The following PTGFR variants were observed in gnomAD, a reference collection of about 807,000 sequenced individuals.
PTGFR encodes prostaglandin F2-alpha receptor.
In PTGFR, 15 loss-of-function variants were observed where a neutral mutation model predicts 26.2. The ratio of observed to expected loss-of-function variants is 0.57; its 90% CI spans 0.38 to 0.88. The LOEUF (loss-of-function observed/expected upper bound fraction) is 0.88. Ranked by LOEUF, PTGFR falls within the 40% of genes least tolerant of loss-of-function variation. The pLI is 0.00. For missense variants in PTGFR, 369 were observed against 427.2 expected (o/e 0.86, Z 1.20); for synonymous variants, 165 against 151.1 (o/e 1.09, Z -0.68).
chr1:78,512,168 C>A (rs957562881), intron 2 of PTGFR, among the ~76,000 whole-genome samples: 3 of 152,220 alleles, frequency 2.0e-5, no homozygotes, highest in Non-Finnish European at 4.4e-5. Context: ...TTCTTTTGAG[C>A]CCTCCAAACT....
At chr1:78,492,101 G>A (rs1649416554) in intron 1 of PTGFR, among the ~76,000 whole-genome samples, 1 of 152,202 alleles carries the variant, frequency 6.6e-6, no homozygotes, top group Admixed American at 6.5e-5. Context: ...CAACGTGTGT[G>A]TGGTTTGCTG....
intron 2 of PTGFR, among the ~76,000 whole-genome samples, chr1:78,527,500 C>T (rs1024847062): frequency 6.6e-6 from 1 of 151,998 alleles, no homozygotes; most frequent in African/African-American, 2.4e-5. Context: ...AATTATATCA[C>T]CTAAATTATG....
chr1:78,501,874 C>G (rs904440247), intron 2 of PTGFR, among the ~76,000 whole-genome samples: 1 of 152,112 alleles, frequency 6.6e-6, no homozygotes, highest in Non-Finnish European at 1.5e-5. Flanking sequence ...TTTAATTTCC[C>G]TAAAGTCTCA....
Position 78,493,515 on chromosome 1 carries a change from T to A in PTGFR, c.772T>A (p.Ser258Thr). 6.4e-7 allele frequency: 1 copy of A among 1,550,960 alleles called. No individual in the cohort carries two copies. The highest frequency in any genetic ancestry group is 1.4e-5 in the African/African-American group (1 of 72,538). Residue 258 changes from serine (S) to threonine (T), a missense_variant, in exon 2 of 3, where the codon TCC becomes ACC. By Grantham distance (58) the Ser-to-Thr change is moderately conservative. Transcript: ENST00000370757. The part of the protein sequence containing the change: ...VIQLLAIMCV[S>T]CICWSPFLVT... ...CCAGCTCCTGGCGATAATGTGTGTC[T>A]CCTGTATTTGTTGGAGCCCATTTCT...
At chr1:78,511,552 C>T (rs190432198) in intron 2 of PTGFR, among the ~76,000 whole-genome samples, 31 of 151,728 alleles carry the variant, frequency 2.0e-4, no homozygotes, top group Admixed American at 1.9e-3. Context: ...GCTCCCGAAA[C>T]CATTCTGTCC....
intron 2 of PTGFR, among the ~76,000 whole-genome samples, chr1:78,497,551 C>T (rs572160000): frequency 6.6e-5 from 10 of 152,176 alleles, no homozygotes; most frequent in South Asian, 2.1e-4. Context: ...ATATGGGTAA[C>T]GATTCTTTTT....
At chr1:78,509,079 C>T (rs1041761192) in intron 2 of PTGFR, among the ~76,000 whole-genome samples, 10 of 152,010 alleles carry the variant, frequency 6.6e-5, no homozygotes, top group African/African-American at 1.2e-4. Flanking sequence ...GGTTGGACTC[C>T]GGAATTCTGA....
intron 2 of PTGFR, among the ~76,000 whole-genome samples, chr1:78,510,790 T>C (rs1649947327): frequency 6.6e-6 from 1 of 152,128 alleles, no homozygotes; most frequent in Non-Finnish European, 1.5e-5. Context: ...TCAGATTCCT[T>C]CCACCTATGA....
At chr1:78,534,642 C>T (rs1395948042) in intron 2 of PTGFR, among the ~76,000 whole-genome samples, 4 of 151,530 alleles carry the variant, frequency 2.6e-5, no homozygotes, top group South Asian at 2.1e-4. Context: ...AGTTAACCAA[C>T]GAAAACAATG....
chr1:78,519,902 CTCTTT>C (rs1195004467), intron 2 of PTGFR, among the ~76,000 whole-genome samples: 1 of 152,066 alleles, frequency 6.6e-6, no homozygotes, highest in Non-Finnish European at 1.5e-5. Flanking sequence ...TGCAACTCTT[CTCTTT>C]TGACTTAATT....
intron 2 of PTGFR, among the ~76,000 whole-genome samples, chr1:78,494,879 C>G (rs1287839314): frequency 1.3e-5 from 2 of 152,186 alleles, no homozygotes; most frequent in African/African-American, 4.8e-5. Context: ...GCTGGGATTA[C>G]AGGCGTGAGT....
rs140292169 is a variant in PTGFR, at chr1:78,490,975, C to G, written c.-334C>G. On this transcript the variant is annotated 5_prime_UTR_variant, in exon 1 of 3. Coordinates refer to ENST00000370757, the MANE Select transcript of PTGFR (RefSeq NM_000959.4). ...AGAGAAGAGGAAGAGGCGGAGGTCA[C>G]TCGCGCGCCCCATCCCTCCCAGGCT... 257 of 152,774 alleles carry G rather than the reference C, an allele frequency of 1.7e-3. 1 individual carries two copies. The highest frequency in any genetic ancestry group is 9.9e-3 in the Middle Eastern group (3 of 302). The allele number at this position is 152,774 out of a possible 1,614,324, so 9.5% of individuals were successfully genotyped here. A position where few individuals can be genotyped will look rare whatever the true frequency, so the allele number is the denominator to read the frequency against.
chr1:78,522,932 A>G (rs1650281432), intron 2 of PTGFR, among the ~76,000 whole-genome samples: 1 of 152,100 alleles, frequency 6.6e-6, no homozygotes. Context: ...GAATTATGCA[A>G]TAAGTTTTAA....
At position 78,493,139 on chromosome 1, in the gene PTGFR, G is replaced by A; in HGVS notation, c.396G>A (p.Glu132=). The part of the protein sequence containing the change: ...PLLLGSVMAI[E]RCIGVTKPIF... ...TTCTAGGCAGTGTGATGGCCATTGA[G>A]CGGTGTATTGGAGTCACAAAACCAA... Residue 132 remains glutamate, a synonymous_variant, in exon 2 of 3, where the codon GAG becomes GAA. Transcript: ENST00000370757. 6.2e-7 allele frequency: 1 copy of A among 1,614,220 alleles called. No homozygotes were observed. Among genetic ancestry groups the A allele is most frequent in the Non-Finnish European group, 8.5e-7 (1 of 1,180,042 alleles).
chr1:78,538,357 C>T lies in PTGFR; in HGVS notation c.*1670C>T, dbSNP rs1164911731. ...CTTGCTGTATTGCCATGATGTCACC[C>T]TGGCCATGTGTACTGACTTGAGGAG... On this transcript the variant is annotated 3_prime_UTR_variant, in exon 3 of 3. Transcript: ENST00000370757. 6.6e-6 allele frequency: 1 copy of T among 151,980 alleles called. No homozygotes were observed. The highest frequency in any genetic ancestry group is 1.5e-5 in the Non-Finnish European group (1 of 67,988). The allele number at this position is 151,980 out of a possible 1,614,324, so 9.4% of individuals were successfully genotyped here.
rs189980495 is a variant in PTGFR, at chr1:78,529,647, T to C, written c.799-6759T>C. On this transcript the variant is annotated intron_variant, in intron 2 of 2. Transcript: ENST00000370757. ...CACCACTGCCAAGGAATAGAAATAA[T>C]AAAATAAGGATAACTCTTGGGTGAA... Among the ~76,000 whole-genome samples, 928 of 152,172 alleles carry C rather than the reference T, an allele frequency of 6.1e-3. 3 individuals are homozygous for C. The highest frequency in any genetic ancestry group is 0.027 in the Middle Eastern group (8 of 294).
intron 2 of PTGFR, among the ~76,000 whole-genome samples, chr1:78,512,994 C>T (rs899806447): frequency 1.3e-5 from 2 of 152,130 alleles, no homozygotes; most frequent in African/African-American, 4.8e-5. Flanking sequence ...GATGCTGGCA[C>T]CATGTTTCCT....
chr1:78,534,533 CAT>C (rs1214546577), intron 2 of PTGFR, among the ~76,000 whole-genome samples: 1 of 152,106 alleles, frequency 6.6e-6, no homozygotes, highest in African/African-American at 2.4e-5. Context: ...GGGGAAAAAA[CAT>C]AATTTATAAA....
intron 2 of PTGFR, among the ~76,000 whole-genome samples, chr1:78,530,385 A>G (rs1238011015): frequency 1.3e-5 from 2 of 152,160 alleles, no homozygotes; most frequent in Non-Finnish European, 2.9e-5. Context: ...CTTTTTTAAA[A>G]AGATGCTAGT....
Sources: allele counts gnomAD v4.1 joint callset (sites outside exome capture counted in the v4.1 genomes callset), GRCh38; gene constraint gnomAD v4.1.1; transcripts MANE v1.5; gene names NCBI Gene and HGNC (gene_info 2026-07-23, HGNC 2026-07-21).